The following SBF2 variants were observed in gnomAD, a reference collection of about 807,000 sequenced individuals.
SBF2 encodes myotubularin-related protein 13.
Under a neutral mutation model 225.2 loss-of-function variants are expected in SBF2, and 112 were observed. The observed-to-expected ratio is 0.50, with a 90% CI of 0.43 to 0.58. The LOEUF is 0.58. Ranked by LOEUF, SBF2 falls within the 20% of genes least tolerant of loss-of-function variation. The pLI is 0.00. For synonymous variants in SBF2, 763 were observed against 773.3 expected (o/e 0.99, Z 0.22); for missense variants, 1,996 against 2,206.2 (o/e 0.90, Z 1.91).
intron 17 of SBF2, among the ~76,000 whole-genome samples, chr11:9,883,151 C>T (rs769646529): frequency 6.6e-6 from 1 of 151,984 alleles, no homozygotes; most frequent in Non-Finnish European, 1.5e-5. Flanking sequence ...CAAAAACAGA[C>T]ACACAAAAAA....
At chr11:9,838,603 G>A (rs1156353991) in intron 26 of SBF2, 2 of 152,110 alleles carry the variant, frequency 1.3e-5, no homozygotes, top group African/African-American at 4.8e-5. Flanking sequence ...ATTAATATTT[G>A]TAAACTTAAA....
chr11:10,187,104 T>C (rs1268595504), intron 2 of SBF2, among the ~76,000 whole-genome samples: 1 of 152,178 alleles, frequency 6.6e-6, no homozygotes, highest in Non-Finnish European at 1.5e-5. Flanking sequence ...TAATAGAATA[T>C]GGATAATATA....
At chr11:10,231,654 A>G (rs1350264043) in intron 1 of SBF2, among the ~76,000 whole-genome samples, 1 of 152,086 alleles carries the variant, frequency 6.6e-6, no homozygotes, top group African/African-American at 2.4e-5. Flanking sequence ...CTGCTGCCTG[A>G]TCGTTTCTCT....
intron 2 of SBF2, among the ~76,000 whole-genome samples, chr11:10,172,030 A>AT (rs1210060079): frequency 4.0e-5 from 6 of 151,818 alleles, no homozygotes; most frequent in Non-Finnish European, 8.8e-5. Flanking sequence ...TTGGGTCTTT[A>AT]TTTTTTTCTT....
intron 2 of SBF2, among the ~76,000 whole-genome samples, chr11:10,096,455 G>A (rs1234116958): frequency 7.2e-6 from 1 of 138,074 alleles, no homozygotes; most frequent in Non-Finnish European, 1.6e-5. Context: ...AATGAAATGA[G>A]CCAAAAGGTC....
rs1019143374 is a variant in SBF2 at position 9,969,028 on chromosome 11, T to A, written c.1396-483A>T. Among the ~76,000 whole-genome samples, 7 of 149,222 alleles carry A rather than the reference T, an allele frequency of 4.7e-5. No homozygotes were observed. The East Asian group carries it at 5.8e-4, about 12-fold the overall frequency. On this transcript the variant is annotated intron_variant, in intron 13 of 39. Transcript: ENST00000256190. ...ATACAATATTTTCACTTGGATTTTTTAAAAAATTCTAAACCTATGTCCAGA... is the reference window on the plus strand; with the variant it reads ...ATACAATATTTTCACTTGGATTTTTAAAAAAATTCTAAACCTATGTCCAGA...
intron 28 of SBF2, among the ~76,000 whole-genome samples, chr11:9,818,175 C>T (rs1260761098): frequency 2.0e-5 from 3 of 152,102 alleles, no homozygotes; most frequent in Non-Finnish European, 4.4e-5. Context: ...GAACTCCCGA[C>T]CTCAGGTGAT....
chr11:9,883,806 T>A (rs1017240776), intron 17 of SBF2, among the ~76,000 whole-genome samples: 1 of 152,160 alleles, frequency 6.6e-6, no homozygotes, highest in Admixed American at 6.5e-5. Context: ...TCATTTTTCA[T>A]TAAGCTTTTA....
At chr11:10,249,242 A>G (rs1446293833) in intron 1 of SBF2, among the ~76,000 whole-genome samples, 6 of 152,246 alleles carry the variant, frequency 3.9e-5, no homozygotes, top group East Asian at 1.9e-4. Flanking sequence ...TAACAAAAAA[A>G]ATTGTAAAGG....
Position 10,091,852 on chromosome 11 carries a change from T to C in SBF2, c.142-48871A>G, listed in dbSNP as rs988117777. On this transcript the variant is annotated intron_variant, in intron 2 of 39. Transcript: ENST00000256190. ...CTAAAACCAAGACAACTGTCGGTTA[T>C]GATGAAATGTTAGTTCTTGGTAGAT... Among the ~76,000 whole-genome samples, 17 of 152,320 alleles carry C rather than the reference T, an allele frequency of 1.1e-4. No individual in the cohort carries two copies. The East Asian group carries it at 3.1e-3, about 28-fold the overall frequency.
intron 28 of SBF2, among the ~76,000 whole-genome samples, chr11:9,827,879 C>T (rs1855161395): frequency 6.6e-6 from 1 of 152,210 alleles, no homozygotes; most frequent in African/African-American, 2.4e-5. Flanking sequence ...TAGACATGCT[C>T]CCCTTACCTC....
chr11:9,967,971 C>CTCTATA lies in SBF2; in HGVS notation c.1600+369_1600+370insTATAGA, dbSNP rs1260685462. ...TGTCTCTCTCTCTCTCTCTCTCTCT[C>CTCTATA]TATATATATATATATATATAAAATA... On this transcript the variant is annotated intron_variant, in intron 14 of 39. Transcript: ENST00000256190. Among the ~76,000 whole-genome samples the CTCTATA allele has an allele frequency of 5.7e-4, 52 of 91,494 alleles. 1 individual carries two copies. The highest frequency in any genetic ancestry group is 8.8e-4 in the Non-Finnish European group (38 of 43,080). 60.0% of individuals were successfully genotyped at this position (91,494 alleles called of 152,430 possible). A position where few individuals can be genotyped will look rare whatever the true frequency, so the allele number is the denominator to read the frequency against.
At chr11:10,080,376 C>T (rs4509749) in intron 2 of SBF2, among the ~76,000 whole-genome samples, 70,642 of 151,014 alleles carry the variant, frequency 0.47, 16,872 homozygotes, top group Admixed American at 0.57. Flanking sequence ...CCGGTCCTAT[C>T]AAAAAAACTC....
intron 32 of SBF2, among the ~76,000 whole-genome samples, chr11:9,801,712 T>C (rs1016221208): frequency 1.3e-5 from 2 of 152,268 alleles, no homozygotes; most frequent in Non-Finnish European, 2.9e-5. Flanking sequence ...TGCCTTGTTA[T>C]AAAACAGATT....
chr11:9,898,488 T>A (rs1311102095), intron 16 of SBF2, among the ~76,000 whole-genome samples: 1 of 151,954 alleles, frequency 6.6e-6, no homozygotes, highest in Admixed American at 6.6e-5. Context: ...CTGGGCAACA[T>A]GGTGAAACCC....
At chr11:9,847,762 G>A (rs1856656468) in intron 22 of SBF2, among the ~76,000 whole-genome samples, 1 of 151,658 alleles carries the variant, frequency 6.6e-6, no homozygotes, top group Non-Finnish European at 1.5e-5. Context: ...GAAGATGAGA[G>A]TCTAGAAAAA....
chr11:10,002,026 A>T (rs1947987395), intron 7 of SBF2, among the ~76,000 whole-genome samples: 1 of 152,176 alleles, frequency 6.6e-6, no homozygotes, highest in African/African-American at 2.4e-5. Context: ...AACATATCCC[A>T]TAAAAAAAAC....
At chr11:10,196,301 A>G (rs760436230) in intron 1 of SBF2, among the ~76,000 whole-genome samples, 2 of 152,234 alleles carry the variant, frequency 1.3e-5, no homozygotes, top group East Asian at 3.8e-4. Flanking sequence ...TACTTATTCT[A>G]TCATGTTTAA....
At chr11:10,115,019 G>C (rs956515636) in intron 2 of SBF2, among the ~76,000 whole-genome samples, 1 of 152,138 alleles carries the variant, frequency 6.6e-6, no homozygotes, top group Non-Finnish European at 1.5e-5. Flanking sequence ...TCCAACCAGG[G>C]ATATGGGAAA....
Sources: gnomAD v4.1 joint callset for allele counts (sites outside exome capture counted in the v4.1 genomes callset) on GRCh38, gnomAD v4.1.1 for gene constraint, MANE v1.5 for transcripts, NCBI Gene and HGNC (gene_info 2026-07-23, HGNC 2026-07-21) for gene names.